PPP1R36: variants seen among roughly 807,000 people sequenced by gnomAD.
The protein encoded by PPP1R36 is protein phosphatase 1 regulatory subunit 36.
Under a neutral mutation model 53.4 loss-of-function variants are expected in PPP1R36, and 47 were observed. That is an observed-to-expected ratio of 0.88 (90% confidence interval 0.70 to 1.12). The LOEUF is 1.12. PPP1R36 is among the 50% of genes most tolerant of loss of function. PPP1R36 has a pLI of 0.00. For missense variants in PPP1R36, 456 were observed against 513.9 expected (o/e 0.89, Z 1.09); for synonymous variants, 153 against 170.5 (o/e 0.90, Z 0.80).
rs756317775 is a variant in PPP1R36 at position 64,586,856 on chromosome 14, CAGAA to C, written c.692_695del (p.Lys231ThrfsTer25). 51 of 1,612,156 alleles carry C rather than the reference CAGAA, an allele frequency of 3.2e-5. 3 individuals carry two copies. In the South Asian group the frequency reaches 5.6e-4, roughly 18 times the overall value. On this transcript the variant is annotated frameshift_variant, in exon 9 of 12. Coordinates refer to ENST00000298705, the MANE Select transcript of PPP1R36 (RefSeq NM_172365.3). LOFTEE classifies it high-confidence loss of function. ...TTACAGGGAGAAAATATCAGATACA[CAGAA>C]AGACTGGAAGTTCTTTGAGGTGAGT... is the stretch of plus-strand genomic sequence containing the variant.
At chr14:64,552,999 C>A (rs1005088175) in intron 3 of PPP1R36, 138 bp downstream of exon 3, 2 of 645,196 alleles carry the variant, frequency 3.1e-6, no homozygotes, top group Admixed American at 2.5e-5. Flanking sequence ...GAGATAGAGT[C>A]TCACTCCTGT....
chr14:64,567,615 G>A (rs2080270694), intron 6 of PPP1R36, among the ~76,000 whole-genome samples: 2 of 152,172 alleles, frequency 1.3e-5, no homozygotes, highest in African/African-American at 4.8e-5. Context: ...GATGTTACAT[G>A]TGATTGTCTA....
intron 8 of PPP1R36, among the ~76,000 whole-genome samples, chr14:64,579,737 G>A (rs1420694702): frequency 7.9e-5 from 12 of 152,128 alleles, no homozygotes; most frequent in African/African-American, 2.4e-4. Context: ...TTGGGAGGCC[G>A]AGGTGAGCAG....
chr14:64,567,090 C>T (rs1425161375), intron 6 of PPP1R36, among the ~76,000 whole-genome samples: 1 of 152,196 alleles, frequency 6.6e-6, no homozygotes, highest in East Asian at 1.9e-4. Context: ...GGGAACCCAG[C>T]CTGAGACAGG....
intron 7 of PPP1R36, among the ~76,000 whole-genome samples, chr14:64,570,837 C>T (rs1433109449): frequency 6.6e-6 from 1 of 152,152 alleles, no homozygotes; most frequent in African/African-American, 2.4e-5. Context: ...AGCCCTACTT[C>T]CAAAAGAAGA....
intron 2 of PPP1R36, 126 bp downstream of exon 2, chr14:64,551,111 C>A (rs913717350): frequency 3.1e-6 from 2 of 635,326 alleles, no homozygotes; most frequent in Non-Finnish European, 5.4e-6. Flanking sequence ...AGGAAACAAT[C>A]ATTTCAGTGA....
At position 64,574,534 on chromosome 14, in the gene PPP1R36, T is replaced by G. The variant is rs762309608; in HGVS notation, c.613T>G (p.Cys205Gly). The change falls in exon 8 of 12, where the codon TGT (cysteine) becomes GGT (glycine). Residue 205 changes from cysteine (C) to glycine (G), a missense_variant. By Grantham distance (159) the Cys-to-Gly change is radical. Coordinates refer to ENST00000298705, the MANE Select transcript of PPP1R36 (RefSeq NM_172365.3). ...AAQRYLAQKY[C>G]ILVLGLAVPD... ...ACAGAGGTACTTGGCGCAGAAGTACTGTATCCTTGTGCTGGGCTTGGCCGT... is the reference window on the plus strand; with the variant it reads ...ACAGAGGTACTTGGCGCAGAAGTACGGTATCCTTGTGCTGGGCTTGGCCGT... 3.1e-6 allele frequency: 5 copies of G among 1,613,908 alleles called. No homozygotes were observed. Among genetic ancestry groups the G allele is most frequent in the Admixed American group, 1.7e-5 (1 of 59,984 alleles).
intron 8 of PPP1R36, among the ~76,000 whole-genome samples, chr14:64,577,541 T>C (rs1482480469): frequency 2.6e-5 from 4 of 152,048 alleles, no homozygotes; most frequent in Admixed American, 1.3e-4. Flanking sequence ...CAGACATGCA[T>C]TGAGGTGTGA....
chr14:64,583,079 T>A (rs1320742413), intron 8 of PPP1R36, among the ~76,000 whole-genome samples: 18 of 147,606 alleles, frequency 1.2e-4, no homozygotes, highest in South Asian at 2.1e-4. Context: ...ATATATATTT[T>A]TTTTTTGTAT....
intron 8 of PPP1R36, among the ~76,000 whole-genome samples, chr14:64,583,727 T>C (rs1179709462): frequency 6.9e-6 from 1 of 144,484 alleles, no homozygotes. Flanking sequence ...GGCAGGAGAA[T>C]CGTTTGAACC....
At chr14:64,581,297 A>G (rs2140246170) in intron 8 of PPP1R36, among the ~76,000 whole-genome samples, 1 of 152,284 alleles carries the variant, frequency 6.6e-6, no homozygotes, top group South Asian at 2.1e-4. Flanking sequence ...GGTCTGGCTC[A>G]TGTACATGAC....
At chr14:64,585,317 A>C (rs2080422795) in intron 8 of PPP1R36, among the ~76,000 whole-genome samples, 1 of 152,070 alleles carries the variant, frequency 6.6e-6, no homozygotes, top group Non-Finnish European at 1.5e-5. Flanking sequence ...GGAGTTCGAG[A>C]CCAGCCTGGC....
intron 1 of PPP1R36, 88 bp downstream of exon 1, chr14:64,550,154 C>A: frequency 6.7e-7 from 1 of 1,493,088 alleles, no homozygotes; most frequent in South Asian, 1.2e-5. Flanking sequence ...CCTCGCCCTC[C>A]TCCAGAGGCG....
intron 8 of PPP1R36, among the ~76,000 whole-genome samples, chr14:64,576,851 A>C (rs1596741906): frequency 6.6e-6 from 1 of 152,188 alleles, no homozygotes; most frequent in African/African-American, 2.4e-5. Flanking sequence ...GGAGTTGACA[A>C]GTTTGGTTCT....
At chr14:64,571,397 G>C (rs2080302274) in intron 7 of PPP1R36, among the ~76,000 whole-genome samples, 1 of 152,076 alleles carries the variant, frequency 6.6e-6, no homozygotes, top group African/African-American at 2.4e-5. Flanking sequence ...AAAGTGCTGG[G>C]ATTATAAGCC....
intron 6 of PPP1R36, among the ~76,000 whole-genome samples, chr14:64,567,486 C>T (rs774470201): frequency 2.6e-5 from 4 of 152,100 alleles, no homozygotes; most frequent in African/African-American, 4.8e-5. Flanking sequence ...GTCTATGCTA[C>T]GCAGAAAAGT....
At chr14:64,567,501 AAAGC>A (rs2080269424) in intron 6 of PPP1R36, among the ~76,000 whole-genome samples, 1 of 152,254 alleles carries the variant, frequency 6.6e-6, no homozygotes, top group African/African-American at 2.4e-5. Context: ...AAAAGTGACA[AAAGC>A]AAGTTGCAAA....
intron 3 of PPP1R36, among the ~76,000 whole-genome samples, chr14:64,553,840 A>C (rs899569423): frequency 5.3e-5 from 8 of 149,682 alleles, no homozygotes; most frequent in East Asian, 1.9e-4. Context: ...AAAAAAAAAA[A>C]ACAACAACTC....
At chr14:64,565,759 G>A in intron 6 of PPP1R36, 67 bp downstream of exon 6, 3 of 1,205,924 alleles carry the variant, frequency 2.5e-6, no homozygotes, top group Non-Finnish European at 2.4e-6. Context: ...CATCTGATAA[G>A]TGATGACAAA....
Sources: allele counts gnomAD v4.1 joint callset (sites outside exome capture counted in the v4.1 genomes callset), GRCh38; gene constraint gnomAD v4.1.1; transcripts MANE v1.5; gene names NCBI Gene and HGNC (gene_info 2026-07-23, HGNC 2026-07-21).